The following LRRTM3 variants were observed in gnomAD, a reference collection of about 807,000 sequenced individuals.
The protein encoded by LRRTM3 is leucine-rich repeat transmembrane neuronal protein 3.
LRRTM3 carries 24 observed loss-of-function variants against 44.7 expected under a neutral mutation model. The ratio of observed to expected loss-of-function variants is 0.54; its 90% CI spans 0.39 to 0.76. The LOEUF is 0.76. LRRTM3 is among the 30% of genes least tolerant of loss of function. LRRTM3 has a pLI of 0.00. For missense variants in LRRTM3, 587 were observed against 702.2 expected (o/e 0.84, Z 1.85); for synonymous variants, 277 against 278.7 (o/e 0.99, Z 0.06).
intron 2 of LRRTM3, among the ~76,000 whole-genome samples, chr10:67,056,662 A>C (rs1268510737): frequency 3.9e-5 from 6 of 152,074 alleles, no homozygotes; most frequent in Non-Finnish European, 7.4e-5. Context: ...ATAAACACAA[A>C]CCCAACAGTC....
intron 2 of LRRTM3, among the ~76,000 whole-genome samples, chr10:66,964,390 A>C (rs967896738): frequency 1.3e-5 from 2 of 152,104 alleles, no homozygotes; most frequent in Non-Finnish European, 2.9e-5. Flanking sequence ...TCATACTTTA[A>C]AATTACATAC....
At chr10:67,055,834 C>T (rs1855395972) in intron 2 of LRRTM3, among the ~76,000 whole-genome samples, 1 of 152,068 alleles carries the variant, frequency 6.6e-6, no homozygotes. Flanking sequence ...CTCCATATCC[C>T]TAATGATAAG....
At chr10:67,065,938 CAA>C (rs10714806) in intron 2 of LRRTM3, among the ~76,000 whole-genome samples, 133 of 148,062 alleles carry the variant, frequency 9.0e-4, no homozygotes, top group Admixed American at 2.6e-3. Context: ...GGCTGCCATT[CAA>C]AAAAAAAAAA....
intron 2 of LRRTM3, among the ~76,000 whole-genome samples, chr10:66,972,953 T>G (rs982364289): frequency 6.6e-6 from 1 of 152,040 alleles, no homozygotes; most frequent in African/African-American, 2.4e-5. Context: ...GATAAATAAA[T>G]ACAGTAGAGA....
chr10:67,056,371 A>G (rs533387181), intron 2 of LRRTM3, among the ~76,000 whole-genome samples: 1 of 152,266 alleles, frequency 6.6e-6, no homozygotes, highest in East Asian at 1.9e-4. Context: ...AGTCTTCCCA[A>G]TGTAGGACTG....
At chr10:67,028,165 G>A (rs564765025) in intron 2 of LRRTM3, among the ~76,000 whole-genome samples, 184 of 152,176 alleles carry the variant, frequency 1.2e-3, no homozygotes, top group African/African-American at 3.9e-3. Context: ...ACTTTATATG[G>A]AGCCCAACCT....
At chr10:67,001,823 C>T (rs1851705630) in intron 2 of LRRTM3, among the ~76,000 whole-genome samples, 1 of 152,184 alleles carries the variant, frequency 6.6e-6, no homozygotes, top group Non-Finnish European at 1.5e-5. Context: ...CCAGTTTCTA[C>T]TGACTGTATC....
In LRRTM3 at chr10:66,967,345, TAG is replaced by T. The variant is rs1317034218; in HGVS notation, c.1536+38895_1536+38896del. ...ATATGGATATAGACATATATATATA[TAG>T]ATAGATAGATAGATATATGTAGATA... On this transcript the variant is annotated intron_variant, in intron 2 of 2. Transcript: ENST00000361320. Among the ~76,000 whole-genome samples the T allele has an allele frequency of 7.9e-5, 7 of 88,548 alleles. No homozygotes were observed. In the South Asian group the frequency reaches 1.7e-3, roughly 22 times the overall value. 58.1% of individuals were successfully genotyped at this position (88,548 alleles called of 152,430 possible).
At chr10:67,009,120 A>G (rs923195890) in intron 2 of LRRTM3, among the ~76,000 whole-genome samples, 4 of 152,102 alleles carry the variant, frequency 2.6e-5, no homozygotes, top group African/African-American at 7.2e-5. Context: ...TGTATTCATT[A>G]TTTTTAATAT....
intron 2 of LRRTM3, among the ~76,000 whole-genome samples, chr10:67,048,885 T>G (rs1854913481): frequency 6.6e-6 from 1 of 152,152 alleles, no homozygotes; most frequent in South Asian, 2.1e-4. Context: ...TTTATAAAAC[T>G]TTATTATCCT....
At chr10:66,996,418 G>T (rs930181638) in intron 2 of LRRTM3, among the ~76,000 whole-genome samples, 1 of 152,020 alleles carries the variant, frequency 6.6e-6, no homozygotes, top group African/African-American at 2.4e-5. Flanking sequence ...GGCCGAGACG[G>T]GCAGATTGCC....
At chr10:67,012,182 G>C (rs1429469276) in intron 2 of LRRTM3, 2 of 152,214 alleles carry the variant, frequency 1.3e-5, no homozygotes, top group Non-Finnish European at 2.9e-5. Flanking sequence ...TACAGTGTGT[G>C]ATGCACTTCC....
chr10:66,991,828 GAAT>G (rs1430430203), intron 2 of LRRTM3, among the ~76,000 whole-genome samples: 2 of 152,164 alleles, frequency 1.3e-5, no homozygotes, highest in African/African-American at 2.4e-5. Flanking sequence ...ATATATGCCA[GAAT>G]AATATCAAAT....
chr10:67,091,581 A>G (rs1857642982), intron 2 of LRRTM3, among the ~76,000 whole-genome samples: 1 of 152,082 alleles, frequency 6.6e-6, no homozygotes, highest in South Asian at 2.1e-4. Flanking sequence ...TTCCTCCAGG[A>G]TAAATTTATA....
chr10:67,028,235 G>T (rs971620764), intron 2 of LRRTM3, among the ~76,000 whole-genome samples: 1 of 152,072 alleles, frequency 6.6e-6, no homozygotes, highest in African/African-American at 2.4e-5. Context: ...GTTTGTCATT[G>T]TTTGTTTGTT....
At chr10:67,064,251 T>G (rs1433771859) in intron 2 of LRRTM3, among the ~76,000 whole-genome samples, 1 of 152,142 alleles carries the variant, frequency 6.6e-6, no homozygotes. Context: ...TCTGAAGTCT[T>G]GGGTTACTGA....
chr10:67,038,363 A>G (rs2133135523), intron 2 of LRRTM3, among the ~76,000 whole-genome samples: 1 of 152,214 alleles, frequency 6.6e-6, no homozygotes, highest in East Asian at 1.9e-4. Flanking sequence ...CTATATGTCA[A>G]TTAATATCAT....
chr10:67,025,005 C>T (rs958837624), intron 2 of LRRTM3, among the ~76,000 whole-genome samples: 1 of 151,696 alleles, frequency 6.6e-6, no homozygotes, highest in Non-Finnish European at 1.5e-5. Context: ...TGGCGCATGC[C>T]TGTAATCTCA....
intron 2 of LRRTM3, among the ~76,000 whole-genome samples, chr10:67,078,059 T>A (rs1431860902): frequency 6.6e-6 from 1 of 152,140 alleles, no homozygotes; most frequent in East Asian, 1.9e-4. Flanking sequence ...CAGACCAGGG[T>A]CATACTTGGA....
Sources: allele counts gnomAD v4.1 joint callset (sites outside exome capture counted in the v4.1 genomes callset), GRCh38; gene constraint gnomAD v4.1.1; transcripts MANE v1.5; gene names NCBI Gene and HGNC (gene_info 2026-07-23, HGNC 2026-07-21).